SEMA3A: variants seen among roughly 807,000 people sequenced by gnomAD.
The protein encoded by SEMA3A is semaphorin-3A.
A neutral mutation model predicts 97.9 loss-of-function variants in SEMA3A; 29 were observed. The ratio of observed to expected loss-of-function variants is 0.30; its 90% confidence interval spans 0.22 to 0.40. The LOEUF (loss-of-function observed/expected upper bound fraction) is 0.40. Among genes scored for constraint, SEMA3A ranks in the 10% least tolerant of loss-of-function variants. The pLI, the probability that SEMA3A is intolerant of heterozygous loss-of-function variation, is 1.00. For synonymous variants in SEMA3A, 321 were observed against 323.7 expected, an observed-to-expected ratio of 0.99 and a Z score of 0.09; for missense variants, 763 against 951.3, an observed-to-expected ratio of 0.80 and a Z score of 2.60.
In SEMA3A at chr7:84,194,756, AAC is replaced by A. The variant is rs1348305489; in HGVS notation, c.-172_-171del. ...GCAACACTAACACCTCTTCTTCTGTAACAGTCACTGAAGCACAGAAACTTCAA... is the reference window on the plus strand; with the variant it reads ...GCAACACTAACACCTCTTCTTCTGTAAGTCACTGAAGCACAGAAACTTCAA... On this transcript the variant is annotated 5_prime_UTR_variant, in exon 1 of 17. Coordinates refer to ENST00000265362, the MANE Select transcript of SEMA3A (RefSeq NM_006080.3). 4.6e-6 allele frequency: 2 copies of A among 431,720 alleles called. No individual in the cohort carries two copies. The highest frequency in any genetic ancestry group is 4.1e-5 in the African/African-American group (2 of 48,628). 26.7% of individuals were successfully genotyped at this position (431,720 alleles called of 1,614,324 possible).
chr7:84,338,737 T>C (rs1206972441), intron 2 of SEMA3A, among the ~76,000 whole-genome samples: 2 of 152,202 alleles, frequency 1.3e-5, no homozygotes, highest in Non-Finnish European at 2.9e-5. Flanking sequence ...CACATGGACC[T>C]TCTTAACATT....
chr7:84,207,473 A>G (rs921341968), intron 3 of SEMA3A, among the ~76,000 whole-genome samples: 3 of 152,216 alleles, frequency 2.0e-5, no homozygotes, highest in Admixed American at 6.5e-5. Flanking sequence ...GAATCAGAAA[A>G]CTGGTTAAAG....
At chr7:84,330,991 G>C (rs915576362) in intron 2 of SEMA3A, among the ~76,000 whole-genome samples, 8 of 152,194 alleles carry the variant, frequency 5.3e-5, no homozygotes, top group South Asian at 2.1e-4. Flanking sequence ...ATCATACACT[G>C]TTAGGTTTTA....
intron 1 of SEMA3A, among the ~76,000 whole-genome samples, chr7:84,463,218 T>A (rs564286561): frequency 8.6e-5 from 13 of 151,156 alleles, no homozygotes; most frequent in African/African-American, 3.2e-4. Flanking sequence ...TATAATTACT[T>A]TAGTATTTTG....
chr7:84,009,101 C>T (rs1281842637), intron 9 of SEMA3A, among the ~76,000 whole-genome samples: 1 of 152,182 alleles, frequency 6.6e-6, no homozygotes, highest in African/African-American at 2.4e-5. Flanking sequence ...ACATGGGCAT[C>T]ACCTGGGTAC....
At chr7:84,403,109 C>T (rs1803953876) in intron 1 of SEMA3A, among the ~76,000 whole-genome samples, 2 of 152,022 alleles carry the variant, frequency 1.3e-5, no homozygotes, top group African/African-American at 2.4e-5. Flanking sequence ...ATCGCCTCAC[C>T]CGGGAAGCAT....
At chr7:84,401,986 A>T (rs1584293869) in intron 1 of SEMA3A, among the ~76,000 whole-genome samples, 2 of 152,336 alleles carry the variant, frequency 1.3e-5, no homozygotes, top group Non-Finnish European at 2.9e-5. Flanking sequence ...ATCAAAGCAA[A>T]AATTGACAAA....
intron 1 of SEMA3A, among the ~76,000 whole-genome samples, chr7:84,448,443 A>G (rs929518195): frequency 3.3e-5 from 5 of 152,220 alleles, no homozygotes; most frequent in African/African-American, 9.6e-5. Context: ...TGAATTCATT[A>G]AAGTAGCAGG....
At chr7:84,006,471 T>C (rs978574334) in intron 10 of SEMA3A, among the ~76,000 whole-genome samples, 5 of 151,688 alleles carry the variant, frequency 3.3e-5, no homozygotes, top group African/African-American at 9.7e-5. Context: ...GCAGAAGAGA[T>C]AATGGCCCCA....
chr7:84,011,398 T>G, intron 7 of SEMA3A, 101 bp from the exon 8 acceptor site: 1 of 769,186 alleles, frequency 1.3e-6, no homozygotes, highest in Non-Finnish European at 2.2e-6. Context: ...AAATACAGTT[T>G]CTCATGTTTT....
intron 4 of SEMA3A, among the ~76,000 whole-genome samples, chr7:84,089,936 C>T (rs546545975): frequency 1.0e-3 from 157 of 151,908 alleles, no homozygotes; most frequent in Middle Eastern, 3.4e-3. Context: ...TAAAGTAGGA[C>T]ATTTATAAAA....
chr7:84,249,508 A>T (rs1799559011), intron 3 of SEMA3A, among the ~76,000 whole-genome samples: 1 of 152,008 alleles, frequency 6.6e-6, no homozygotes, highest in African/African-American at 2.4e-5. Context: ...CCTGTTCCCC[A>T]TGGTGATGGG....
In SEMA3A at chr7:84,157,906, C is replaced by T. The variant is rs79443497; in HGVS notation, c.113-22955G>A. Among the ~76,000 whole-genome samples, 1,448 of 152,234 alleles carry T rather than the reference C, an allele frequency of 9.5e-3. 27 individuals carry two copies. The highest frequency in any genetic ancestry group is 0.033 in the African/African-American group (1,360 of 41,544). The stretch of plus-strand genomic sequence containing the variant: ...TCATACAATTCCCTTGCGCAAACTT[C>T]GTACCATGTTTCCCTTTACATGTGG... On this transcript the variant is annotated intron_variant, in intron 1 of 16. Transcript: ENST00000265362.
chr7:84,116,483 G>A (rs1231353164), intron 3 of SEMA3A, among the ~76,000 whole-genome samples: 2 of 152,130 alleles, frequency 1.3e-5, no homozygotes, highest in Non-Finnish European at 2.9e-5. Context: ...TCAAACCAGA[G>A]TTGTGAGACT....
rs1004233884 is a variant in SEMA3A at position 83,966,953 on chromosome 7, C to T, written c.1718-3606G>A. 2.6e-5 allele frequency among the ~76,000 whole-genome samples: 4 copies of T among 152,094 alleles called. No individual in the cohort carries two copies. In the East Asian group the frequency reaches 5.8e-4, roughly 22 times the overall value. On this transcript the variant is annotated intron_variant, in intron 15 of 16. Coordinates refer to ENST00000265362, the MANE Select transcript of SEMA3A (RefSeq NM_006080.3). ...CTTGAACTCCCGACCTCAGGTGATT[C>T]GCCCGCCTCGGCCTCTCAAAGTGCT...
chr7:84,393,794 C>T (rs1047862039), intron 1 of SEMA3A, among the ~76,000 whole-genome samples: 2 of 152,002 alleles, frequency 1.3e-5, no homozygotes, highest in African/African-American at 4.8e-5. Context: ...GTGTATCTTC[C>T]ATGAAAAATG....
chr7:84,319,324 T>C (rs1201242543), intron 2 of SEMA3A, among the ~76,000 whole-genome samples: 1 of 152,158 alleles, frequency 6.6e-6, no homozygotes, highest in Non-Finnish European at 1.5e-5. Flanking sequence ...TCATTGGTGC[T>C]AGGCTCTAAG....
chr7:84,089,846 T>G (rs1487245077), intron 4 of SEMA3A, among the ~76,000 whole-genome samples: 1 of 151,978 alleles, frequency 6.6e-6, no homozygotes, highest in Non-Finnish European at 1.5e-5. Context: ...ACTATCAGAC[T>G]AAATTTTAAA....
intron 6 of SEMA3A, among the ~76,000 whole-genome samples, chr7:84,017,838 A>G (rs946258371): frequency 6.6e-6 from 1 of 152,034 alleles, no homozygotes; most frequent in Non-Finnish European, 1.5e-5. Context: ...CAAATCAGTC[A>G]TTCCAACTGT....
Sources: gnomAD v4.1 joint callset for allele counts (sites outside exome capture counted in the v4.1 genomes callset) on GRCh38, gnomAD v4.1.1 for gene constraint, MANE v1.5 for transcripts, NCBI Gene and HGNC (gene_info 2026-07-23, HGNC 2026-07-21) for gene names.